PFKFB3: variants seen among roughly 807,000 people sequenced by gnomAD.
PFKFB3 encodes 6-phosphofructo-2-kinase/fructose-2,6-bisphosphatase 3.
A neutral mutation model predicts 68.0 loss-of-function variants in PFKFB3; 33 were observed. The observed-to-expected ratio is 0.49, with a 90% CI of 0.37 to 0.65. PFKFB3 has a LOEUF of 0.65. PFKFB3 is among the 30% of genes least tolerant of loss of function. PFKFB3 has a pLI of 0.00. For synonymous variants in PFKFB3, 315 were observed against 288.2 expected, an observed-to-expected ratio of 1.09 and a Z score of -0.94; for missense variants, 586 against 712.2, an observed-to-expected ratio of 0.82 and a Z score of 2.02.
At chr10:6,255,791 T>C (rs1358887794), downstream of PFKFB3, among the ~76,000 whole-genome samples, 1 of 152,144 alleles carries the variant, frequency 6.6e-6, no homozygotes, top group Non-Finnish European at 1.5e-5. Context: ...GGTACGAAGC[T>C]GATGGAAAAG....
At chr10:6,289,463 T>A in the PFKFB3 span, among the ~76,000 whole-genome samples, 1 of 152,146 alleles carries the variant, frequency 6.6e-6, no homozygotes, top group Non-Finnish European at 1.5e-5. Context: ...AAATAGGGAA[T>A]CCTTTCCCCA....
intron 13 of PFKFB3, chr10:6,225,176 A>G (rs1564639312): frequency 2.2e-6 from 1 of 456,332 alleles, no homozygotes; most frequent in Non-Finnish European, 4.4e-6. Context: ...CAAAAGTACA[A>G]CACTGTGCTA....
chr10:6,153,183 AG>A (rs1347829968), intron 1 of PFKFB3, among the ~76,000 whole-genome samples: 7 of 15,374 alleles, frequency 4.6e-4, no homozygotes, highest in East Asian at 7.7e-4. Context: ...GAAAAAAGAA[AG>A]AAAGAAAGAA....
intron 1 of PFKFB3, among the ~76,000 whole-genome samples, chr10:6,157,233 CT>C (rs910147371): frequency 3.1e-4 from 16 of 51,514 alleles, no homozygotes; most frequent in African/African-American, 3.2e-4. Flanking sequence ...GTTGTGTCTT[CT>C]TTTTTTTTTT....
intron 1 of PFKFB3, among the ~76,000 whole-genome samples, chr10:6,162,943 A>G (rs1842010234): frequency 6.6e-6 from 1 of 152,146 alleles, no homozygotes; most frequent in Non-Finnish European, 1.5e-5. Flanking sequence ...GGCGTTTTTC[A>G]TGGATGGAGC....
At chr10:6,189,649 G>A (rs901266846) in intron 1 of PFKFB3, among the ~76,000 whole-genome samples, 2 of 151,904 alleles carry the variant, frequency 1.3e-5, no homozygotes, top group African/African-American at 4.8e-5. Context: ...CGAGTAGCTG[G>A]GACTACAGGC....
chr10:6,309,146 A>G, the PFKFB3 span, among the ~76,000 whole-genome samples: 1 of 152,186 alleles, frequency 6.6e-6, no homozygotes, highest in Non-Finnish European at 1.5e-5. Flanking sequence ...AAAAAATTGT[A>G]AAAAATGAAA....
At chr10:6,186,166 C>A (rs1340417948) in intron 1 of PFKFB3, among the ~76,000 whole-genome samples, 1 of 152,046 alleles carries the variant, frequency 6.6e-6, no homozygotes, top group Non-Finnish European at 1.5e-5. Flanking sequence ...TATTAATATT[C>A]TAATTAGAAA....
intron 1 of PFKFB3, among the ~76,000 whole-genome samples, chr10:6,188,896 G>T (rs970305513): frequency 3.5e-5 from 5 of 143,366 alleles, no homozygotes; most frequent in African/African-American, 1.3e-4. Flanking sequence ...GTGCAGTGGC[G>T]CGATCTCGGC....
the PFKFB3 span, among the ~76,000 whole-genome samples, chr10:6,279,264 T>G: frequency 3.3e-5 from 5 of 152,240 alleles, no homozygotes; most frequent in African/African-American, 9.6e-5. Context: ...ACTGACTTCT[T>G]TTTTAAATAA....
At chr10:6,162,863 A>G (rs1842008180) in intron 1 of PFKFB3, among the ~76,000 whole-genome samples, 1 of 152,012 alleles carries the variant, frequency 6.6e-6, no homozygotes, top group African/African-American at 2.4e-5. Context: ...TCAGTGGAGG[A>G]TGGTCCTTAG....
At chr10:6,151,479 C>G (rs1445251258) in intron 1 of PFKFB3, among the ~76,000 whole-genome samples, 1 of 152,208 alleles carries the variant, frequency 6.6e-6, no homozygotes, top group Non-Finnish European at 1.5e-5. Context: ...GCTGTGGCCC[C>G]TTGCATTGGT....
At position 6,228,188 on chromosome 10, in the gene PFKFB3, C is replaced by T; in HGVS notation, c.1515+1823C>T. 6.2e-7 allele frequency: 1 copy of T among 1,612,812 alleles called. No homozygotes were observed. The highest frequency in any genetic ancestry group is 8.5e-7 in the Non-Finnish European group (1 of 1,179,878). On this transcript the variant is annotated intron_variant, in intron 14 of 14. Transcript: ENST00000379775. The surrounding 1 kb of genome is among the most constrained non-coding windows in gnomAD (Gnocchi z 4.5). ...TGACTGACTTCTCTCTCTGCTTCTC[C>T]TCCGCAGCCTTTGCTAGGGCAAGCC...
chr10:6,309,950 T>C, the PFKFB3 span, among the ~76,000 whole-genome samples: 11 of 152,348 alleles, frequency 7.2e-5, no homozygotes, highest in Admixed American at 5.2e-4. Context: ...TATATGACTC[T>C]ATTCACTTGA....
chr10:6,167,344 G>A (rs1323733048), intron 1 of PFKFB3, among the ~76,000 whole-genome samples: 1 of 152,246 alleles, frequency 6.6e-6, no homozygotes, highest in Admixed American at 6.5e-5. Flanking sequence ...CTCAGTGTCT[G>A]TCTGATACTG....
At chr10:6,194,271 T>C (rs1427495787) in intron 1 of PFKFB3, among the ~76,000 whole-genome samples, 1 of 152,224 alleles carries the variant, frequency 6.6e-6, no homozygotes, top group African/African-American at 2.4e-5. Context: ...TTCATCACGG[T>C]TGAGTCTCTA....
the PFKFB3 span, among the ~76,000 whole-genome samples, chr10:6,283,790 C>A: frequency 6.6e-6 from 1 of 152,176 alleles, no homozygotes. Flanking sequence ...AGTGCTCAGA[C>A]TGAGCAGTGG....
the PFKFB3 span, among the ~76,000 whole-genome samples, chr10:6,322,964 C>A: frequency 6.6e-6 from 1 of 152,278 alleles, no homozygotes; most frequent in East Asian, 1.9e-4. Context: ...GAGTCAGGTT[C>A]ACTGTTGCAT....
chr10:6,217,250 G>T lies in PFKFB3; in HGVS notation c.498+59G>T, dbSNP rs1844646330. 3.5e-6 allele frequency: 5 copies of T among 1,443,566 alleles called. No individual in the cohort carries two copies. In the East Asian group the frequency reaches 9.1e-5, roughly 26 times the overall value. The allele number at this position is 1,443,566 out of a possible 1,614,324, so 89.4% of individuals were successfully genotyped here. A position where few individuals can be genotyped will look rare whatever the true frequency, so the allele number is the denominator to read the frequency against. ...AGCGTAGACCACAAGGGCATTTGCA[G>T]TCTGAGGAAGTGGGGGACCGGGTCC... On this transcript the variant is annotated intron_variant, in intron 6 of 14. Coordinates refer to ENST00000379775, the MANE Select transcript of PFKFB3 (RefSeq NM_004566.4).
Sources: gnomAD v4.1 joint callset for allele counts (sites outside exome capture counted in the v4.1 genomes callset) on GRCh38, gnomAD v4.1.1 for gene constraint, Gnocchi (gnomAD v3.1) non-coding constraint, MANE v1.5 for transcripts, NCBI Gene and HGNC (gene_info 2026-07-23, HGNC 2026-07-21) for gene names.